MGST2: variants seen among roughly 807,000 people sequenced by gnomAD.
The protein encoded by MGST2 is glutathione peroxidase MGST2.
In MGST2, 9 loss-of-function variants were observed where a neutral mutation model predicts 16.6. The ratio of observed to expected loss-of-function variants is 0.54; its 90% CI spans 0.33 to 0.95. The LOEUF is 0.95. Among genes scored for constraint, MGST2 ranks in the 40% least tolerant of loss-of-function variants. The pLI is 0.03. For missense variants in MGST2, 159 were observed against 175.1 expected, an observed-to-expected ratio of 0.91 and a Z score of 0.52; for synonymous variants, 79 against 68.0, an observed-to-expected ratio of 1.16 and a Z score of -0.79.
intron 5 of MGST2, among the ~76,000 whole-genome samples, chr4:139,724,999 TC>T (rs2076299842): frequency 6.6e-6 from 1 of 152,148 alleles, no homozygotes; most frequent in African/African-American, 2.4e-5. Context: ...CCTCAAGTGA[TC>T]CGTCCACCTC....
chr4:139,741,472 C>T (rs1729162612), downstream of MGST2, among the ~76,000 whole-genome samples: 1 of 152,216 alleles, frequency 6.6e-6, no homozygotes, highest in Non-Finnish European at 1.5e-5. Flanking sequence ...GTGCCCTGAG[C>T]TGAGCGTGGT....
At chr4:139,692,103 G>A (rs1355483076) in intron 2 of MGST2, among the ~76,000 whole-genome samples, 3 of 152,194 alleles carry the variant, frequency 2.0e-5, no homozygotes, top group Non-Finnish European at 4.4e-5. Flanking sequence ...CAGGGTGAAA[G>A]TACAATGAGC....
chr4:139,718,398 G>C (rs576636466), intron 5 of MGST2: 2 of 152,386 alleles, frequency 1.3e-5, no homozygotes, highest in Non-Finnish European at 2.9e-5. Context: ...GGGGAGGCTG[G>C]TGTGGAGGCA....
chr4:139,734,367 T>C (rs924630921), intron 5 of MGST2, among the ~76,000 whole-genome samples: 19 of 152,230 alleles, frequency 1.2e-4, no homozygotes, highest in Non-Finnish European at 2.5e-4. Context: ...TATTTTTAGT[T>C]GTAATTACTG....
rs1464455760 is a variant in MGST2 at position 139,678,619 on chromosome 4, G to GT, written c.138dup (p.Glu47Ter). 1 of 1,613,820 alleles carries GT rather than the reference G, an allele frequency of 6.2e-7. No homozygotes were observed. Among genetic ancestry groups the GT allele is most frequent in the African/African-American group, 1.3e-5 (1 of 74,902 alleles). On this transcript the variant is annotated frameshift_variant, in exon 2 of 5. Transcript: ENST00000265498. LOFTEE classifies it high-confidence loss of function. ...CCCCAGCAGTCACTGGGTCACCAGA[G>GT]TTTGAGAGAGTATTTCGGGCACAGT... is the stretch of plus-strand genomic sequence containing the variant.
chr4:139,668,507 G>A (rs795598), intron 1 of MGST2, among the ~76,000 whole-genome samples: 87,105 of 151,778 alleles, frequency 0.57, 26,738 homozygotes, highest in East Asian at 0.86. Context: ...ATGCTATACT[G>A]GAGTCAGGCT....
exon 6 of MGST2, chr4:139,740,650 C>T (rs1729135199): frequency 6.6e-6 from 1 of 152,118 alleles, no homozygotes; most frequent in Admixed American, 6.5e-5. Context: ...ATGCATAGGC[C>T]TATCTTGTGT....
intron 5 of MGST2, chr4:139,719,761 C>G: frequency 6.2e-7 from 1 of 1,613,690 alleles, no homozygotes. Context: ...GTCTCGGCTG[C>G]CCAGCTTGAA....
At chr4:139,743,052 G>A (rs1227652538), downstream of MGST2, among the ~76,000 whole-genome samples, 1 of 152,142 alleles carries the variant, frequency 6.6e-6, no homozygotes, top group Non-Finnish European at 1.5e-5. Flanking sequence ...TTCCCCAAAA[G>A]CTTTCTGGGG....
At chr4:139,719,953 A>C in intron 5 of MGST2, 1 of 1,613,944 alleles carries the variant, frequency 6.2e-7, no homozygotes, top group East Asian at 2.2e-5. Context: ...TCATCTGTGG[A>C]TGTTGCTGGG....
In MGST2 at chr4:139,715,172, G is replaced by T. The variant is rs930140730; in HGVS notation, c.*48+10976G>T. On this transcript the variant is annotated intron_variant, in intron 5 of 5. Transcript: ENST00000616265. This position sits in a 1 kb window ranked among gnomAD's most constrained non-coding sequence, Gnocchi z 4.4. The stretch of plus-strand genomic sequence containing the variant: ...CTTTAACCACCTCTATCTTAGGAGA[G>T]ACTCTAACTCCACTAAGCTGGGCCT... Among the ~76,000 whole-genome samples the T allele has an allele frequency of 6.6e-6, 1 of 152,078 alleles. No homozygotes were observed. Among genetic ancestry groups the T allele is most frequent in the African/African-American group, 2.4e-5 (1 of 41,408 alleles).
chr4:139,671,909 T>C (rs1730711921), intron 1 of MGST2, among the ~76,000 whole-genome samples: 1 of 152,184 alleles, frequency 6.6e-6, no homozygotes, highest in East Asian at 1.9e-4. Flanking sequence ...CCCAAAGTGC[T>C]GGGATTACAG....
intron 1 of MGST2, among the ~76,000 whole-genome samples, chr4:139,667,684 T>A (rs1363627586): frequency 6.6e-6 from 1 of 151,858 alleles, no homozygotes; most frequent in African/African-American, 2.4e-5. Context: ...ATGGTGAAAC[T>A]CCGTCTCTAC....
At chr4:139,745,050 G>A (rs1729277142), downstream of MGST2, among the ~76,000 whole-genome samples, 2 of 152,208 alleles carry the variant, frequency 1.3e-5, no homozygotes, top group African/African-American at 4.8e-5. Flanking sequence ...CATTTCTCTG[G>A]TTCCACTTGG....
chr4:139,736,973 A>G (rs1038735216), intron 5 of MGST2, among the ~76,000 whole-genome samples: 3 of 152,194 alleles, frequency 2.0e-5, no homozygotes, highest in Non-Finnish European at 2.9e-5. Context: ...GATGTTTGCA[A>G]TGCAAACCCA....
At chr4:139,682,699 A>G (rs1288711594) in intron 2 of MGST2, among the ~76,000 whole-genome samples, 1 of 152,160 alleles carries the variant, frequency 6.6e-6, no homozygotes, top group Non-Finnish European at 1.5e-5. Flanking sequence ...CATTGGTAGA[A>G]GCAGAAAATG....
intron 1 of MGST2, among the ~76,000 whole-genome samples, chr4:139,667,014 C>G (rs1002637246): frequency 5.3e-5 from 8 of 152,142 alleles, no homozygotes; most frequent in Admixed American, 5.2e-4. Flanking sequence ...TGGAGAAGAG[C>G]AGGATATTTG....
intron 5 of MGST2, among the ~76,000 whole-genome samples, chr4:139,733,741 G>A (rs867658805): frequency 2.0e-5 from 3 of 152,192 alleles, no homozygotes; most frequent in Non-Finnish European, 4.4e-5. Context: ...CTGGGGTGCA[G>A]TGGTATGATC....
chr4:139,691,675 TGATGATG>T (rs750492981), intron 2 of MGST2, among the ~76,000 whole-genome samples: 2,603 of 142,578 alleles, frequency 0.018, 72 homozygotes, highest in African/African-American at 0.061. Flanking sequence ...CAGATGATGA[TGATGATG>T]ATGATGATGA....
Sources: allele counts gnomAD v4.1 joint callset (sites outside exome capture counted in the v4.1 genomes callset), GRCh38; gene constraint gnomAD v4.1.1; non-coding constraint Gnocchi (gnomAD v3.1); transcripts MANE v1.5; gene names NCBI Gene and HGNC (gene_info 2026-07-23, HGNC 2026-07-21).